The following RFX4 variants were observed in gnomAD, a reference collection of about 807,000 sequenced individuals.
RFX4 encodes the protein regulatory factor X4, also known as transcription factor RFX4.
A neutral mutation model predicts 95.0 loss-of-function variants in RFX4; 10 were observed. That is an observed-to-expected ratio of 0.11 (90% CI 0.06 to 0.18). The LOEUF (loss-of-function observed/expected upper bound fraction) is 0.18. RFX4 is among the 10% of genes least tolerant of loss of function. The pLI is 1.00. For synonymous variants in RFX4, 321 were observed against 340.7 expected, an observed-to-expected ratio of 0.94 and a Z score of 0.64; for missense variants, 640 against 922.0, an observed-to-expected ratio of 0.69 and a Z score of 3.96.
intron 2 of RFX4, among the ~76,000 whole-genome samples, chr12:106,636,386 G>A (rs2040511723): frequency 7.8e-6 from 1 of 128,800 alleles, no homozygotes; most frequent in African/African-American, 3.0e-5. Context: ...GCAAAACTCT[G>A]TCTCAAAAAA....
At chr12:106,688,218 C>T (rs527501664) in intron 6 of RFX4, among the ~76,000 whole-genome samples, 3 of 151,898 alleles carry the variant, frequency 2.0e-5, no homozygotes, top group East Asian at 3.9e-4. Context: ...TACAGGCGCC[C>T]GCCATCACAC....
intron 4 of RFX4, among the ~76,000 whole-genome samples, 160 bp downstream of exon 4, chr12:106,654,511 A>G (rs2040918281): frequency 6.6e-6 from 1 of 152,196 alleles, no homozygotes; most frequent in Non-Finnish European, 1.5e-5. Flanking sequence ...TTTGCTATCA[A>G]AATTTCAAAC....
At position 106,670,212 on chromosome 12, in the gene RFX4, C is replaced by A. The variant is rs1400890906; in HGVS notation, c.316-11781C>A. On this transcript the variant is annotated intron_variant, in intron 4 of 17. Coordinates refer to ENST00000392842, the MANE Select transcript of RFX4 (RefSeq NM_213594.3). The stretch of plus-strand genomic sequence containing the variant: ...TCTTCTTTCTGAACAATTTTGAGAA[C>A]AATTGTTCTAAAAATGTCCTACATC... Among the ~76,000 whole-genome samples the A allele has an allele frequency of 4.6e-5, 7 of 152,214 alleles. No individual in the cohort carries two copies. The South Asian group carries it at 1.0e-3, about 23-fold the overall frequency.
At chr12:106,709,826 C>T (rs1021801382) in intron 9 of RFX4, among the ~76,000 whole-genome samples, 1 of 152,168 alleles carries the variant, frequency 6.6e-6, no homozygotes, top group African/African-American at 2.4e-5. Flanking sequence ...AGAGTTCCCC[C>T]AAAGCCACGC....
chr12:106,648,307 T>C (rs1164831273), intron 3 of RFX4, among the ~76,000 whole-genome samples: 1 of 151,796 alleles, frequency 6.6e-6, no homozygotes, highest in Non-Finnish European at 1.5e-5. Flanking sequence ...GGTGACAAGG[T>C]GTGTCTCAGG....
intron 8 of RFX4, among the ~76,000 whole-genome samples, chr12:106,707,751 T>G (rs1189897138): frequency 6.6e-6 from 1 of 152,130 alleles, no homozygotes; most frequent in East Asian, 1.9e-4. Context: ...GAAAGGGCAG[T>G]GGCTCAAGGA....
chr12:106,715,695 G>A (rs2042275381), intron 11 of RFX4, 151 bp downstream of exon 11: 2 of 864,866 alleles, frequency 2.3e-6, no homozygotes, highest in Admixed American at 5.6e-5. Context: ...AAATGAGTCA[G>A]TCCAGAAGGA....
chr12:106,587,292 C>CCCCCGT (rs2137160851), intron 1 of RFX4, among the ~76,000 whole-genome samples: 1 of 152,320 alleles, frequency 6.6e-6, no homozygotes, highest in Admixed American at 6.5e-5. Context: ...GCCGCTCCCG[C>CCCCCGT]CCCCGTCCCC....
chr12:106,627,317 C>CCGAGGCAGGCCGAGGTAG (rs1417411217), intron 2 of RFX4, among the ~76,000 whole-genome samples: 1 of 152,106 alleles, frequency 6.6e-6, no homozygotes, highest in African/African-American at 2.4e-5. Context: ...GCAGGCGGAT[C>CCGAGGCAGGCCGAGGTAG]ACTTGAGATC....
intron 1 of RFX4, among the ~76,000 whole-genome samples, chr12:106,598,589 G>A (rs1261635460): frequency 6.6e-6 from 1 of 152,140 alleles, no homozygotes; most frequent in Non-Finnish European, 1.5e-5. Context: ...AAAGAAAAAA[G>A]CATTTTGCCT....
chr12:106,627,427 T>A (rs540081920), intron 2 of RFX4, among the ~76,000 whole-genome samples: 1 of 152,018 alleles, frequency 6.6e-6, no homozygotes, highest in South Asian at 2.1e-4. Flanking sequence ...CCCAGCTACT[T>A]GGGAGGCTGA....
At position 106,672,833 on chromosome 12, in the gene RFX4, T is replaced by C. The variant is rs184469383; in HGVS notation, c.316-9160T>C. On this transcript the variant is annotated intron_variant, in intron 4 of 17. Coordinates refer to ENST00000392842, the MANE Select transcript of RFX4 (RefSeq NM_213594.3). ...TTGCAGCTGCAAGGAGGAGGTGCTA[T>C]CTGCAGCAGCCCTTTCTTTGCTCAG... 5.3e-5 allele frequency among the ~76,000 whole-genome samples: 8 copies of C among 151,626 alleles called. No homozygotes were observed. In the East Asian group the frequency reaches 1.6e-3, roughly 29 times the overall value.
intron 3 of RFX4, among the ~76,000 whole-genome samples, chr12:106,653,865 G>T (rs1203625724): frequency 6.6e-6 from 1 of 152,168 alleles, no homozygotes; most frequent in Non-Finnish European, 1.5e-5. Flanking sequence ...TTGGTCTGTG[G>T]TTCCATTCCT....
chr12:106,611,060 C>T (rs994876571), intron 2 of RFX4, among the ~76,000 whole-genome samples: 1 of 152,036 alleles, frequency 6.6e-6, no homozygotes, highest in African/African-American at 2.4e-5. Context: ...TTGCAATTCC[C>T]TAATGATTGG....
intron 4 of RFX4, among the ~76,000 whole-genome samples, chr12:106,655,842 C>A (rs1197992477): frequency 6.6e-6 from 1 of 152,182 alleles, no homozygotes; most frequent in Non-Finnish European, 1.5e-5. Context: ...ATAACTCAGA[C>A]ATTTATTAAG....
At chr12:106,583,540 G>A in intron 1 of RFX4, 177 bp downstream of exon 1, 1 of 532,488 alleles carries the variant, frequency 1.9e-6, no homozygotes, top group Non-Finnish European at 3.2e-6. Flanking sequence ...AACTGGATGC[G>A]TGGAAGTATG....
intron 15 of RFX4, among the ~76,000 whole-genome samples, chr12:106,744,054 A>C (rs2042851853): frequency 6.6e-6 from 1 of 152,226 alleles, no homozygotes; most frequent in Non-Finnish European, 1.5e-5. Context: ...CCCACCACTC[A>C]ATGATAACCC....
At chr12:106,599,490 T>C (rs944029033) in intron 1 of RFX4, among the ~76,000 whole-genome samples, 2 of 151,830 alleles carry the variant, frequency 1.3e-5, no homozygotes, top group Non-Finnish European at 2.9e-5. Context: ...ATGATGATGA[T>C]GATGATGATG....
At chr12:106,587,004 A>T (rs2039468815) in intron 1 of RFX4, among the ~76,000 whole-genome samples, 1 of 152,168 alleles carries the variant, frequency 6.6e-6, no homozygotes, top group Non-Finnish European at 1.5e-5. Flanking sequence ...CGAACGGGGC[A>T]TGTGCGCCCC....
Sources: allele counts gnomAD v4.1 joint callset (sites outside exome capture counted in the v4.1 genomes callset), GRCh38; gene constraint gnomAD v4.1.1; transcripts MANE v1.5; gene names NCBI Gene and HGNC (gene_info 2026-07-23, HGNC 2026-07-21).